SCHIP1: variants seen among roughly 807,000 people sequenced by gnomAD.
SCHIP1 encodes schwannomin interacting protein 1, also known as schwannomin-interacting protein 1.
Under a neutral mutation model 29.7 loss-of-function variants are expected in SCHIP1, and 8 were observed. The observed-to-expected ratio is 0.27, with a 90% CI of 0.16 to 0.49. The LOEUF (loss-of-function observed/expected upper bound fraction) is 0.49. SCHIP1 is among the 20% of genes least tolerant of loss of function. SCHIP1 has a pLI of 0.99. For missense variants in SCHIP1, 193 were observed against 294.6 expected (o/e 0.66, Z 2.52); for synonymous variants, 76 against 94.9 (o/e 0.80, Z 1.16).
At chr3:159,533,507 C>CT in the SCHIP1 span, among the ~76,000 whole-genome samples, 4 of 152,022 alleles carry the variant, frequency 2.6e-5, no homozygotes, top group Admixed American at 2.0e-4. Flanking sequence ...ACCAATGAGG[C>CT]TTTTTTCCAT....
the SCHIP1 span, among the ~76,000 whole-genome samples, chr3:159,818,591 A>T: frequency 6.6e-6 from 1 of 152,336 alleles, no homozygotes; most frequent in African/African-American, 2.4e-5. Context: ...TGGGGCAGGG[A>T]ACCACTGCCC....
chr3:159,352,770 C>CT, the SCHIP1 span, among the ~76,000 whole-genome samples: 101,295 of 147,908 alleles, frequency 0.68, 34,913 homozygotes, highest in African/African-American at 0.78. Context: ...ATTTTAATAG[C>CT]TTTTTTTTTT....
chr3:159,456,587 GCT>G, the SCHIP1 span, among the ~76,000 whole-genome samples: 1 of 152,182 alleles, frequency 6.6e-6, no homozygotes, highest in Admixed American at 6.5e-5. Context: ...TATAAATGCT[GCT>G]CTAGATCATT....
chr3:159,710,697 G>C, the SCHIP1 span, among the ~76,000 whole-genome samples: 1 of 151,904 alleles, frequency 6.6e-6, no homozygotes, highest in Non-Finnish European at 1.5e-5. Context: ...TAAATTTAAA[G>C]AAATCAACTC....
At chr3:159,496,550 A>C in the SCHIP1 span, among the ~76,000 whole-genome samples, 1 of 152,312 alleles carries the variant, frequency 6.6e-6, no homozygotes, top group East Asian at 1.9e-4. Context: ...CAAAACCACA[A>C]TGAGATACCA....
chr3:159,543,904 G>A, the SCHIP1 span, among the ~76,000 whole-genome samples: 1 of 151,992 alleles, frequency 6.6e-6, no homozygotes, highest in African/African-American at 2.4e-5. Context: ...TTTAATGATT[G>A]CCATAGAACG....
chr3:159,351,567 AT>A, the SCHIP1 span, among the ~76,000 whole-genome samples: 167 of 152,064 alleles, frequency 1.1e-3, no homozygotes, highest in African/African-American at 3.8e-3. Flanking sequence ...TCTATTTAAA[AT>A]TTTTATCTTA....
the SCHIP1 span, among the ~76,000 whole-genome samples, chr3:159,671,415 G>C: frequency 6.6e-6 from 1 of 152,072 alleles, no homozygotes; most frequent in Non-Finnish European, 1.5e-5. Context: ...TCTCGGTCCA[G>C]GTATCTTCTG....
chr3:159,690,143 A>G, the SCHIP1 span, among the ~76,000 whole-genome samples: 449 of 152,134 alleles, frequency 3.0e-3, 6 homozygotes, highest in African/African-American at 0.01. Flanking sequence ...CTCTTTTTCT[A>G]TTGTTTGGAA....
At chr3:159,374,950 G>GAGGA in the SCHIP1 span, among the ~76,000 whole-genome samples, 1 of 152,140 alleles carries the variant, frequency 6.6e-6, no homozygotes, top group Non-Finnish European at 1.5e-5. Context: ...AAAGAAGAAT[G>GAGGA]TAGACTTTTT....
chr3:159,392,072 GTGTT>G, the SCHIP1 span, among the ~76,000 whole-genome samples: 2 of 152,118 alleles, frequency 1.3e-5, no homozygotes, highest in African/African-American at 4.8e-5. Context: ...AGACTTTTTG[GTGTT>G]TGTTTGTTTT....
At chr3:159,749,028 T>G in the SCHIP1 span, among the ~76,000 whole-genome samples, 4,445 of 152,198 alleles carry the variant, frequency 0.029, 157 homozygotes, top group African/African-American at 0.088. Flanking sequence ...TCCCAGCACT[T>G]TGGGAGGCTG....
At chr3:159,604,628 C>A in the SCHIP1 span, among the ~76,000 whole-genome samples, 30 of 152,238 alleles carry the variant, frequency 2.0e-4, no homozygotes, top group Non-Finnish European at 4.3e-4. Context: ...GTCACTGTGA[C>A]CTTTCCACTA....
At chr3:159,603,023 AT>A in the SCHIP1 span, among the ~76,000 whole-genome samples, 1 of 152,140 alleles carries the variant, frequency 6.6e-6, no homozygotes, top group Non-Finnish European at 1.5e-5. Context: ...AGCCCCAGGG[AT>A]TTTTTTACCT....
At chr3:159,786,385 TAA>T in the SCHIP1 span, among the ~76,000 whole-genome samples, 1 of 152,232 alleles carries the variant, frequency 6.6e-6, no homozygotes, top group African/African-American at 2.4e-5. Flanking sequence ...ATAATGAAAT[TAA>T]AAGATACTTT....
At chr3:159,352,437 C>A in the SCHIP1 span, among the ~76,000 whole-genome samples, 1 of 152,144 alleles carries the variant, frequency 6.6e-6, no homozygotes, top group Non-Finnish European at 1.5e-5. Flanking sequence ...AGAAATCTTG[C>A]GTATCCGTTA....
At chr3:159,394,763 G>A in the SCHIP1 span, among the ~76,000 whole-genome samples, 1 of 152,206 alleles carries the variant, frequency 6.6e-6, no homozygotes, top group African/African-American at 2.4e-5. Flanking sequence ...CAAGGATAGT[G>A]ATCTAAAATT....
At chr3:159,421,150 T>A in the SCHIP1 span, among the ~76,000 whole-genome samples, 1 of 152,248 alleles carries the variant, frequency 6.6e-6, no homozygotes, top group Admixed American at 6.5e-5. Flanking sequence ...CTTTACCTGC[T>A]GTGTTGTTGG....
intron 4 of SCHIP1, 32 bp downstream of exon 5, chr3:159,887,937 G>A: frequency 1.9e-6 from 3 of 1,611,466 alleles, no homozygotes; most frequent in Non-Finnish European, 2.5e-6. Context: ...GCAAGGAAGT[G>A]TTTGGGAGCC....
Sources: gnomAD v4.1 joint callset for allele counts (sites outside exome capture counted in the v4.1 genomes callset) on GRCh38, gnomAD v4.1.1 for gene constraint, MANE v1.5 for transcripts, NCBI Gene and HGNC (gene_info 2026-07-23, HGNC 2026-07-21) for gene names.